The following TMEM178B variants were observed in gnomAD, a reference collection of about 807,000 sequenced individuals.
TMEM178B encodes transmembrane protein 178B.
A neutral mutation model predicts 31.0 loss-of-function variants in TMEM178B; 5 were observed. The ratio of observed to expected loss-of-function variants is 0.16; its 90% CI spans 0.08 to 0.34. The LOEUF (loss-of-function observed/expected upper bound fraction) is 0.34. Ranked by LOEUF, TMEM178B falls within the 10% of genes least tolerant of loss-of-function variation. The pLI, the probability that TMEM178B is intolerant of heterozygous loss-of-function variation, is 1.00. For missense variants in TMEM178B, 275 were observed against 400.3 expected (o/e 0.69, Z 2.67); for synonymous variants, 164 against 164.0 (o/e 1.00, Z 0.00).
At chr7:141,289,990 A>G (rs1034034040) in intron 2 of TMEM178B, among the ~76,000 whole-genome samples, 3 of 152,190 alleles carry the variant, frequency 2.0e-5, no homozygotes, top group Non-Finnish European at 2.9e-5. Flanking sequence ...CCCCGCAACA[A>G]AAAAAGAAGA....
chr7:141,185,756 G>T (rs528285188), intron 1 of TMEM178B, among the ~76,000 whole-genome samples: 4 of 152,012 alleles, frequency 2.6e-5, no homozygotes, highest in Non-Finnish European at 4.4e-5. Context: ...TCCTCACCTC[G>T]GTCCGTGGGG....
At chr7:141,386,281 C>T (rs951630192) in intron 2 of TMEM178B, among the ~76,000 whole-genome samples, 3 of 152,168 alleles carry the variant, frequency 2.0e-5, no homozygotes, top group Non-Finnish European at 2.9e-5. Context: ...CCATTCTATA[C>T]AAAGGGTTGT....
intron 1 of TMEM178B, among the ~76,000 whole-genome samples, chr7:141,105,548 G>C (rs1248181598): frequency 1.3e-5 from 2 of 152,002 alleles, no homozygotes; most frequent in East Asian, 1.9e-4. Flanking sequence ...TATTTCTTTT[G>C]TTTTATTTAG....
rs370433975 is a variant in TMEM178B, at chr7:141,152,670, C to T, written c.383-59921C>T. Among the ~76,000 whole-genome samples, 7 of 152,280 alleles carry T rather than the reference C, an allele frequency of 4.6e-5. No individual in the cohort carries two copies. In the South Asian group the frequency reaches 1.5e-3, roughly 32 times the overall value. ...GAGGTGGAAAGTGGGCTCTCTCGTC[C>T]AGTGGTTCAGTGGGGGGCCTCCAAC... On this transcript the variant is annotated intron_variant, in intron 1 of 3. Coordinates refer to ENST00000565468, the MANE Select transcript of TMEM178B (RefSeq NM_001195278.2).
chr7:141,108,775 T>G (rs990985532), intron 1 of TMEM178B, among the ~76,000 whole-genome samples: 1 of 152,188 alleles, frequency 6.6e-6, no homozygotes, highest in Non-Finnish European at 1.5e-5. Context: ...TCTGCTGTGT[T>G]AGCAAAAGCA....
In TMEM178B at chr7:141,470,660, C is replaced by A; in HGVS notation, c.759C>A (p.Phe253Leu). 6.5e-7 allele frequency: 1 copy of A among 1,535,762 alleles called. No individual in the cohort carries two copies. ...DISHGYGWSM[F>L]CAWGGLGLTL... ...GCCATGGCTATGGCTGGTCCATGTT[C>A]TGTGCATGGGGGGGCCTGGGCCTCA... Residue 253 changes from phenylalanine (F) to leucine (L), a missense_variant, in exon 4 of 4, where the codon TTC becomes TTA. Transcript: ENST00000565468.
At chr7:141,510,277 A>G in the TMEM178B span, among the ~76,000 whole-genome samples, 1 of 152,182 alleles carries the variant, frequency 6.6e-6, no homozygotes, top group African/African-American at 2.4e-5. Flanking sequence ...TTGTTCCAGA[A>G]AGCAGGCTAC....
chr7:141,180,313 A>T (rs1796500165), intron 1 of TMEM178B, among the ~76,000 whole-genome samples: 1 of 152,034 alleles, frequency 6.6e-6, no homozygotes. Flanking sequence ...GCAAAAAATT[A>T]GCCAGGCTTG....
At chr7:141,502,063 C>T in the TMEM178B span, among the ~76,000 whole-genome samples, 1 of 152,130 alleles carries the variant, frequency 6.6e-6, no homozygotes, top group Admixed American at 6.5e-5. Flanking sequence ...TGCTCTTGAT[C>T]CGAACCCTTC....
chr7:141,132,761 C>G (rs111921012), intron 1 of TMEM178B, among the ~76,000 whole-genome samples: 1 of 152,166 alleles, frequency 6.6e-6, no homozygotes, highest in East Asian at 1.9e-4. Flanking sequence ...AGCAAGCTGC[C>G]TGGAGGCCCA....
At chr7:141,164,412 G>A (rs551058659) in intron 1 of TMEM178B, among the ~76,000 whole-genome samples, 2 of 152,238 alleles carry the variant, frequency 1.3e-5, no homozygotes, top group Non-Finnish European at 2.9e-5. Context: ...CTGGTTTTTG[G>A]AATTCTCACC....
intron 2 of TMEM178B, among the ~76,000 whole-genome samples, chr7:141,411,442 AT>A (rs1418285630): frequency 2.0e-5 from 3 of 152,308 alleles, no homozygotes; most frequent in Admixed American, 1.3e-4. Flanking sequence ...TATAAACATA[AT>A]TTTTAAAGGG....
intron 2 of TMEM178B, among the ~76,000 whole-genome samples, chr7:141,217,848 T>A (rs1797184956): frequency 6.6e-6 from 1 of 152,060 alleles, no homozygotes; most frequent in Non-Finnish European, 1.5e-5. Flanking sequence ...AGATTGCCCC[T>A]GGCAGCGAGA....
rs188197771 is a variant in TMEM178B, at chr7:141,107,261, C to T, written c.382+32569C>T. Among the ~76,000 whole-genome samples the T allele has an allele frequency of 6.7e-3, 1,025 of 152,228 alleles. 2 individuals carry two copies. Among genetic ancestry groups the T allele is most frequent in the Non-Finnish European group, 0.011 (725 of 68,012 alleles). ...ACATAGGGCCACTGTCAGGTCCTGG[C>T]TTTTACTCTGAGATGAGAGGTTGTT... On this transcript the variant is annotated intron_variant, in intron 1 of 3. Transcript: ENST00000565468.
chr7:141,206,585 C>T lies in TMEM178B; in HGVS notation c.383-6006C>T, dbSNP rs1391598440. On this transcript the variant is annotated intron_variant, in intron 1 of 3. Coordinates refer to ENST00000565468, the MANE Select transcript of TMEM178B (RefSeq NM_001195278.2). The stretch of plus-strand genomic sequence containing the variant: ...CCACCTCACCACAGGTTGGCTGTGA[C>T]TCTCTGCCAAAGGCCGCATCATCTC... Among the ~76,000 whole-genome samples, 3 of 152,186 alleles carry T rather than the reference C, an allele frequency of 2.0e-5. No individual in the cohort carries two copies. In the East Asian group the frequency reaches 5.8e-4, roughly 29 times the overall value.
chr7:141,324,751 T>C (rs573796020), intron 2 of TMEM178B, among the ~76,000 whole-genome samples: 2 of 152,298 alleles, frequency 1.3e-5, no homozygotes, highest in South Asian at 4.2e-4. Context: ...TGTGTGTGTG[T>C]GTGCACGCAC....
intron 2 of TMEM178B, among the ~76,000 whole-genome samples, chr7:141,360,486 C>CT (rs1799897932): frequency 6.6e-6 from 1 of 152,152 alleles, no homozygotes; most frequent in Admixed American, 6.5e-5. Flanking sequence ...AAGAGTAAGC[C>CT]TTTTTTCCTC....
chr7:141,284,470 T>C (rs1002660518), intron 2 of TMEM178B, among the ~76,000 whole-genome samples: 3 of 152,252 alleles, frequency 2.0e-5, no homozygotes, highest in Non-Finnish European at 4.4e-5. Flanking sequence ...TTTGAAAACA[T>C]TGACATTGTC....
intron 2 of TMEM178B, among the ~76,000 whole-genome samples, chr7:141,227,771 C>G (rs553550613): frequency 1.3e-5 from 2 of 152,250 alleles, no homozygotes; most frequent in African/African-American, 4.8e-5. Flanking sequence ...GTGGTAGTTG[C>G]CCTTGCATAA....
Sources: gnomAD v4.1 joint callset for allele counts (sites outside exome capture counted in the v4.1 genomes callset) on GRCh38, gnomAD v4.1.1 for gene constraint, MANE v1.5 for transcripts, NCBI Gene and HGNC (gene_info 2026-07-23, HGNC 2026-07-21) for gene names.